Variants in HS3ST4 observed in about 807,000 individuals in gnomAD.
HS3ST4 encodes the protein heparan sulfate-glucosamine 3-sulfotransferase 4.
In HS3ST4, 17 loss-of-function variants were observed where a neutral mutation model predicts 29.2. That is an observed-to-expected ratio of 0.58 (90% CI 0.40 to 0.87). HS3ST4 has a LOEUF of 0.87. Ranked by LOEUF, HS3ST4 falls within the 40% of genes least tolerant of loss-of-function variation. HS3ST4 has a pLI of 0.00. For synonymous variants in HS3ST4, 314 were observed against 285.7 expected, an observed-to-expected ratio of 1.10 and a Z score of -1.00; for missense variants, 627 against 634.5, an observed-to-expected ratio of 0.99 and a Z score of 0.13.
intron 1 of HS3ST4, among the ~76,000 whole-genome samples, chr16:25,965,460 G>A (rs2141703911): frequency 1.3e-5 from 2 of 152,200 alleles, no homozygotes; most frequent in South Asian, 4.1e-4. Flanking sequence ...TACAACGGGA[G>A]GAGTTTCCTC....
chr16:26,009,799 T>G (rs1969294144), intron 1 of HS3ST4, among the ~76,000 whole-genome samples: 1 of 152,222 alleles, frequency 6.6e-6, no homozygotes, highest in South Asian at 2.1e-4. Flanking sequence ...CTAACCTCAA[T>G]GGAGCTGGAA....
At chr16:26,093,608 G>T (rs544018762) in intron 1 of HS3ST4, among the ~76,000 whole-genome samples, 56 of 152,220 alleles carry the variant, frequency 3.7e-4, no homozygotes, top group African/African-American at 1.3e-3. Context: ...CCATCTGTAG[G>T]TCACCATCGT....
intron 1 of HS3ST4, among the ~76,000 whole-genome samples, chr16:25,816,320 G>A (rs921935307): frequency 1.3e-5 from 2 of 152,130 alleles, no homozygotes; most frequent in African/African-American, 2.4e-5. Context: ...GGTGGAGGCC[G>A]TGGCCCTCAT....
intron 1 of HS3ST4, among the ~76,000 whole-genome samples, chr16:25,799,286 G>C (rs1434751680): frequency 6.6e-6 from 1 of 152,080 alleles, no homozygotes; most frequent in Non-Finnish European, 1.5e-5. Context: ...GCCTTTCAAA[G>C]GTTCTTTCTC....
chr16:25,910,362 C>T (rs774644441), intron 1 of HS3ST4, among the ~76,000 whole-genome samples: 12 of 152,060 alleles, frequency 7.9e-5, no homozygotes, highest in East Asian at 1.9e-4. Flanking sequence ...CAGAGTCAGC[C>T]GGGCACGGTA....
chr16:26,001,595 G>T (rs1410938700), intron 1 of HS3ST4, among the ~76,000 whole-genome samples: 1 of 152,090 alleles, frequency 6.6e-6, no homozygotes, highest in Non-Finnish European at 1.5e-5. Flanking sequence ...AGTCTGTTTT[G>T]AAAGACACTG....
intron 1 of HS3ST4, among the ~76,000 whole-genome samples, chr16:25,804,369 C>G (rs1054614758): frequency 4.6e-5 from 7 of 152,160 alleles, no homozygotes; most frequent in Admixed American, 2.6e-4. Flanking sequence ...CCCGTATTGT[C>G]AATTCAGCTC....
intron 1 of HS3ST4, among the ~76,000 whole-genome samples, chr16:26,131,552 A>G (rs966144582): frequency 6.6e-6 from 1 of 152,194 alleles, no homozygotes; most frequent in African/African-American, 2.4e-5. Flanking sequence ...AAATGAACTT[A>G]CTTAAAACCT....
intron 1 of HS3ST4, among the ~76,000 whole-genome samples, chr16:25,994,980 C>A (rs928190615): frequency 3.3e-5 from 5 of 151,998 alleles, no homozygotes; most frequent in African/African-American, 7.2e-5. Context: ...AACTGGATTT[C>A]TTTTTTTTCC....
At chr16:25,881,069 T>C (rs948375529) in intron 1 of HS3ST4, among the ~76,000 whole-genome samples, 7 of 152,140 alleles carry the variant, frequency 4.6e-5, no homozygotes, top group Non-Finnish European at 1.0e-4. Flanking sequence ...ACAATGGTGA[T>C]AATGCCTTTT....
At chr16:25,922,417 G>A (rs1052125507) in intron 1 of HS3ST4, among the ~76,000 whole-genome samples, 3 of 152,170 alleles carry the variant, frequency 2.0e-5, no homozygotes, top group Non-Finnish European at 4.4e-5. Flanking sequence ...GCTAGACATT[G>A]GATTTGCTGA....
chr16:25,692,381 C>A lies in HS3ST4; in HGVS notation c.-37C>A. The A allele has an allele frequency of 2.5e-6, 1 of 404,402 alleles. No individual in the cohort carries two copies. Among genetic ancestry groups the A allele is most frequent in the Non-Finnish European group, 3.3e-6 (1 of 301,246 alleles). 25.1% of individuals were successfully genotyped at this position (404,402 alleles called of 1,614,324 possible). A position where few individuals can be genotyped will look rare whatever the true frequency, so the allele number is the denominator to read the frequency against. ...CATGTCCGGGCAGCGCCGGGGGCTGCCGCCGCCGCCGCCGCCGCCGCGAGC... is the reference window on the plus strand; with the variant it reads ...CATGTCCGGGCAGCGCCGGGGGCTGACGCCGCCGCCGCCGCCGCCGCGAGC... On this transcript the variant is annotated 5_prime_UTR_variant, in exon 1 of 2. Coordinates refer to ENST00000331351, the MANE Select transcript of HS3ST4 (RefSeq NM_006040.3).
chr16:25,819,145 T>C (rs1318365773), intron 1 of HS3ST4, among the ~76,000 whole-genome samples: 4 of 152,150 alleles, frequency 2.6e-5, no homozygotes, highest in African/African-American at 9.7e-5. Flanking sequence ...TTGAAAAACA[T>C]GGTAGGGTGG....
intron 1 of HS3ST4, among the ~76,000 whole-genome samples, chr16:26,134,445 C>T (rs1898254192): frequency 6.7e-6 from 1 of 149,850 alleles, no homozygotes; most frequent in South Asian, 2.1e-4. Flanking sequence ...TCACTGCAAC[C>T]TCTGCCTCCT....
At chr16:26,134,444 C>T (rs1191343548) in intron 1 of HS3ST4, among the ~76,000 whole-genome samples, 1 of 148,846 alleles carries the variant, frequency 6.7e-6, no homozygotes, top group African/African-American at 2.5e-5. Flanking sequence ...CTCACTGCAA[C>T]CTCTGCCTCC....
At chr16:25,864,032 C>T (rs1039029853) in intron 1 of HS3ST4, among the ~76,000 whole-genome samples, 2 of 152,150 alleles carry the variant, frequency 1.3e-5, no homozygotes, top group Admixed American at 6.5e-5. Context: ...CGCCTCTTCG[C>T]GTGGGCATCC....
At chr16:25,955,191 G>A (rs1184245497) in intron 1 of HS3ST4, among the ~76,000 whole-genome samples, 3 of 152,088 alleles carry the variant, frequency 2.0e-5, no homozygotes, top group African/African-American at 7.2e-5. Flanking sequence ...AACCTTATAG[G>A]TACCCTGGAC....
At chr16:25,876,097 A>T (rs989008957) in intron 1 of HS3ST4, among the ~76,000 whole-genome samples, 7 of 152,156 alleles carry the variant, frequency 4.6e-5, no homozygotes, top group African/African-American at 1.7e-4. Flanking sequence ...CCTTCCAGTG[A>T]GACCTCCACC....
intron 1 of HS3ST4, among the ~76,000 whole-genome samples, chr16:25,987,273 C>T (rs781434261): frequency 5.3e-5 from 8 of 151,652 alleles, no homozygotes; most frequent in African/African-American, 9.7e-5. Flanking sequence ...TCGCTTGAAC[C>T]GGGAGGCAGA....
Sources: allele counts gnomAD v4.1 joint callset (sites outside exome capture counted in the v4.1 genomes callset), GRCh38; gene constraint gnomAD v4.1.1; transcripts MANE v1.5; gene names NCBI Gene and HGNC (gene_info 2026-07-23, HGNC 2026-07-21).